Variants in ALG14 observed in about 807,000 individuals in gnomAD.
ALG14 encodes ALG14 UDP-N-acetylglucosaminyltransferase subunit, also known as UDP-N-acetylglucosamine transferase subunit ALG14.
ALG14 carries 17 observed loss-of-function variants against 22.8 expected under a neutral mutation model. The ratio of observed to expected loss-of-function variants is 0.75; its 90% CI spans 0.51 to 1.12. The LOEUF (loss-of-function observed/expected upper bound fraction) is 1.12, where lower values mean the gene tolerates loss of function less well. ALG14 is among the 50% of genes most tolerant of loss of function. The pLI is 0.00. For synonymous variants in ALG14, 89 were observed against 103.7 expected, an observed-to-expected ratio of 0.86 and a Z score of 0.86; for missense variants, 288 against 271.8, an observed-to-expected ratio of 1.06 and a Z score of -0.42.
intron 2 of ALG14, among the ~76,000 whole-genome samples, chr1:95,054,254 G>A (rs1456793353): frequency 6.6e-6 from 1 of 152,184 alleles, no homozygotes; most frequent in Admixed American, 6.5e-5. Flanking sequence ...TGGATCATGG[G>A]GGTAGAGTTC....
chr1:95,054,390 T>C (rs1674862001), intron 2 of ALG14, among the ~76,000 whole-genome samples: 1 of 152,194 alleles, frequency 6.6e-6, no homozygotes, highest in African/African-American at 2.4e-5. Context: ...TGTGAAGTGC[T>C]GGCTCCTCCT....
intron 2 of ALG14, among the ~76,000 whole-genome samples, chr1:95,035,028 A>C (rs1208311176): frequency 6.6e-6 from 1 of 152,162 alleles, no homozygotes; most frequent in African/African-American, 2.4e-5. Context: ...TTAGGGGAAA[A>C]ATCAAAATAA....
chr1:94,999,824 G>T (rs1013521169), intron 3 of ALG14, among the ~76,000 whole-genome samples: 1 of 151,824 alleles, frequency 6.6e-6, no homozygotes, highest in East Asian at 1.9e-4. Context: ...TCCTTTTCTC[G>T]CCCAAATCCT....
chr1:95,020,509 C>T (rs1487202855), intron 3 of ALG14, among the ~76,000 whole-genome samples: 11 of 151,554 alleles, frequency 7.3e-5, no homozygotes, highest in African/African-American at 1.9e-4. Flanking sequence ...GAGGCCGAGG[C>T]GGGCAGATCG....
chr1:95,050,494 AG>A (rs1674711352), intron 2 of ALG14, among the ~76,000 whole-genome samples: 1 of 152,234 alleles, frequency 6.6e-6, no homozygotes, highest in South Asian at 2.1e-4. Context: ...AATATAAACT[AG>A]CTTTATAACC....
At chr1:95,014,862 T>G (rs566817187) in intron 3 of ALG14, among the ~76,000 whole-genome samples, 1 of 152,322 alleles carries the variant, frequency 6.6e-6, no homozygotes, top group East Asian at 1.9e-4. Context: ...AAATAAAAAG[T>G]AATTCAATGA....
intron 2 of ALG14, among the ~76,000 whole-genome samples, chr1:95,063,303 C>G (rs957384067): frequency 1.3e-5 from 2 of 152,126 alleles, no homozygotes; most frequent in Non-Finnish European, 2.9e-5. Context: ...TTAATTAGAT[C>G]ACATTTTTCA....
chr1:95,022,911 G>A (rs1463612372), intron 3 of ALG14, among the ~76,000 whole-genome samples: 4 of 152,286 alleles, frequency 2.6e-5, no homozygotes, highest in South Asian at 4.1e-4. Flanking sequence ...AGGAGAAAAA[G>A]TTCCTGTAAG....
rs2100701562 is a variant in ALG14, at chr1:94,977,294, A to G, written c.*5782T>C. Reference sequence around the variant, plus strand: ...CAGGAGTTTGAGACCAGTCTGGACAACATAGTGAAACCCTGCCTCTTATTT... The same window carrying G: ...CAGGAGTTTGAGACCAGTCTGGACAGCATAGTGAAACCCTGCCTCTTATTT... On this transcript the variant is annotated 3_prime_UTR_variant, in exon 4 of 4. Coordinates refer to ENST00000370205, the MANE Select transcript of ALG14 (RefSeq NM_144988.4). The G allele has an allele frequency of 6.6e-6, 1 of 152,366 alleles. No homozygotes were observed. Among genetic ancestry groups the G allele is most frequent in the South Asian group, 2.1e-4 (1 of 4,832 alleles). 9.4% of individuals were successfully genotyped at this position (152,366 alleles called of 1,614,324 possible).
intron 3 of ALG14, among the ~76,000 whole-genome samples, chr1:95,018,760 C>T (rs934040624): frequency 6.6e-6 from 1 of 152,120 alleles, no homozygotes; most frequent in African/African-American, 2.4e-5. Flanking sequence ...GAATTTTTCT[C>T]TCCCTGTGTG....
intron 2 of ALG14, among the ~76,000 whole-genome samples, chr1:95,031,275 C>T (rs1311208907): frequency 6.6e-6 from 1 of 152,200 alleles, no homozygotes; most frequent in Non-Finnish European, 1.5e-5. Flanking sequence ...GGGCAGGATA[C>T]TTGTTCAGCA....
Position 95,071,584 on chromosome 1 carries a change from G to T in ALG14, c.136+1179C>A, listed in dbSNP as rs186865825. Among the ~76,000 whole-genome samples, 15 of 152,086 alleles carry T rather than the reference G, an allele frequency of 9.9e-5. No homozygotes were observed. In the East Asian group the frequency reaches 2.9e-3, roughly 29 times the overall value. ...AGATTTTAAATACTCTTTACAATCT[G>T]GACTCAGTTTACCTCCCTACATTGA... On this transcript the variant is annotated intron_variant, in intron 1 of 3. Coordinates refer to ENST00000370205, the MANE Select transcript of ALG14 (RefSeq NM_144988.4).
intron 2 of ALG14, among the ~76,000 whole-genome samples, chr1:95,064,323 T>C (rs543895650): frequency 1.4e-3 from 220 of 152,310 alleles, no homozygotes; most frequent in African/African-American, 5.0e-3. Flanking sequence ...CTATGTTGAA[T>C]AGGAGTGGTG....
At chr1:95,046,949 A>G (rs1414279326) in intron 2 of ALG14, among the ~76,000 whole-genome samples, 2 of 151,722 alleles carry the variant, frequency 1.3e-5, no homozygotes, top group African/African-American at 4.8e-5. Flanking sequence ...CCTGGGCGAC[A>G]GAGTGAAACC....
chr1:94,995,911 C>T (rs982917808), intron 3 of ALG14, among the ~76,000 whole-genome samples: 4 of 152,214 alleles, frequency 2.6e-5, no homozygotes, highest in African/African-American at 9.6e-5. Flanking sequence ...AGCTGAATGA[C>T]ACTGCTTTGT....
chr1:95,016,942 G>GGGGTGTGTGTGTGTGT (rs1028840783), intron 3 of ALG14, among the ~76,000 whole-genome samples: 1 of 129,296 alleles, frequency 7.7e-6, no homozygotes. Flanking sequence ...TTGCAAAAGG[G>GGGGTGTGTGTGTGTGT]GTGTGTGTGT....
At chr1:95,028,629 C>A (rs1168136033) in intron 2 of ALG14, among the ~76,000 whole-genome samples, 3 of 151,930 alleles carry the variant, frequency 2.0e-5, no homozygotes, top group East Asian at 1.9e-4. Context: ...ACCAGCCTGG[C>A]CAACATGGTG....
chr1:95,059,408 A>AC (rs983345220), intron 2 of ALG14, among the ~76,000 whole-genome samples: 2 of 119,690 alleles, frequency 1.7e-5, no homozygotes, highest in African/African-American at 5.2e-5. Flanking sequence ...AAAAAAAAAA[A>AC]AAAAAAAAAA....
chr1:94,987,395 T>A (rs986752572), intron 3 of ALG14, among the ~76,000 whole-genome samples: 5 of 152,228 alleles, frequency 3.3e-5, no homozygotes, highest in African/African-American at 1.2e-4. Flanking sequence ...AGGGGTTCAA[T>A]ATGTGTCTGT....
Sources: gnomAD v4.1 joint callset for allele counts (sites outside exome capture counted in the v4.1 genomes callset) on GRCh38, gnomAD v4.1.1 for gene constraint, MANE v1.5 for transcripts, NCBI Gene and HGNC (gene_info 2026-07-23, HGNC 2026-07-21) for gene names.